Variants in CENPC observed in about 807,000 individuals in gnomAD.
The protein encoded by CENPC is CENP-C 1.
Under a neutral mutation model 112.1 loss-of-function variants are expected in CENPC, and 63 were observed. The ratio of observed to expected loss-of-function variants is 0.56; its 90% CI spans 0.46 to 0.69. The LOEUF (loss-of-function observed/expected upper bound fraction) is 0.69. Ranked by LOEUF, CENPC falls within the 30% of genes least tolerant of loss-of-function variation. CENPC has a pLI of 0.00. For synonymous variants in CENPC, 333 were observed against 367.6 expected (o/e 0.91, Z 1.08); for missense variants, 1,000 against 1,103.8 (o/e 0.91, Z 1.33).
chr4:67,544,582 G>A (rs976675605), intron 1 of CENPC, among the ~76,000 whole-genome samples: 2 of 152,104 alleles, frequency 1.3e-5, no homozygotes, highest in African/African-American at 2.4e-5. Context: ...TTCTTAGAAG[G>A]GGAGATAAAT....
intron 18 of CENPC, among the ~76,000 whole-genome samples, chr4:67,474,498 A>G (rs897168522): frequency 6.6e-6 from 1 of 152,056 alleles, no homozygotes; most frequent in Non-Finnish European, 1.5e-5. Context: ...AGGTCAGGTG[A>G]TCTGTTACGG....
Position 67,541,154 on chromosome 4 carries a change from T to C in CENPC, c.66-104A>G, listed in dbSNP as rs920413524. Reference sequence around the variant, plus strand: ...CATTATAAAATATAAATTTACTTAATATGTAAAATATCTTTACTATTTGAA... The same window carrying C: ...CATTATAAAATATAAATTTACTTAACATGTAAAATATCTTTACTATTTGAA... On this transcript the variant is annotated intron_variant, in intron 2 of 18. Transcript: ENST00000273853. 5.6e-6 allele frequency: 4 copies of C among 714,322 alleles called. No homozygotes were observed. In the Admixed American group the frequency reaches 1.2e-4, roughly 21 times the overall value. The allele number at this position is 714,322 out of a possible 1,614,324, so 44.2% of individuals were successfully genotyped here.
At chr4:67,508,720 G>T in intron 10 of CENPC, 94 bp downstream of exon 10, 1 of 1,159,390 alleles carries the variant, frequency 8.6e-7, no homozygotes, top group South Asian at 1.6e-5. Flanking sequence ...AGCTCTTCAT[G>T]CTAATTACTG....
In CENPC at chr4:67,539,927, G is replaced by A; in HGVS notation, c.144C>T (p.Ala48=). 6.7e-7 allele frequency: 1 copy of A among 1,502,298 alleles called. No individual in the cohort carries two copies. The highest frequency in any genetic ancestry group is 2.5e-5 in the East Asian group (1 of 39,496). The allele number at this position is 1,502,298 out of a possible 1,614,324, so 93.1% of individuals were successfully genotyped here. Residue 48 remains alanine, a synonymous_variant, in exon 4 of 19, where the codon GCC becomes GCT. Coordinates refer to ENST00000273853, the MANE Select transcript of CENPC (RefSeq NM_001812.4). ...TTGTAGAATTTGTACTAAAATCATT[G>A]GCAAGACCTAAAACAAAAGTATGAA... ...LQDCFEEKSL[A]NDFSTNSTKS... is the part of the protein sequence containing the mutation.
intron 12 of CENPC, among the ~76,000 whole-genome samples, chr4:67,500,218 A>T (rs1725554659): frequency 6.6e-6 from 1 of 152,170 alleles, no homozygotes; most frequent in African/African-American, 2.4e-5. Flanking sequence ...GTTGCCACAA[A>T]CCTTCAATTT....
intron 5 of CENPC, among the ~76,000 whole-genome samples, chr4:67,527,741 T>A (rs895408213): frequency 1.3e-5 from 2 of 151,914 alleles, no homozygotes; most frequent in Non-Finnish European, 2.9e-5. Flanking sequence ...CCTCAAGAGA[T>A]TCTCCAATCT....
In CENPC at chr4:67,472,479, C is replaced by T; in HGVS notation, c.*126G>A. 2 of 1,196,280 alleles carry T rather than the reference C, an allele frequency of 1.7e-6. No homozygotes were observed. Among genetic ancestry groups the T allele is most frequent in the Non-Finnish European group, 2.1e-6 (2 of 934,896 alleles). The allele number at this position is 1,196,280 out of a possible 1,614,324, so 74.1% of individuals were successfully genotyped here. A position where few individuals can be genotyped will look rare whatever the true frequency, so the allele number is the denominator to read the frequency against. On this transcript the variant is annotated 3_prime_UTR_variant, in exon 19 of 19. Coordinates refer to ENST00000273853, the MANE Select transcript of CENPC (RefSeq NM_001812.4). ...GAAATGTTTATCAAATACAAGTCTA[C>T]AGAAAACTGAATAAAATTTTTATTT...
intron 17 of CENPC, among the ~76,000 whole-genome samples, chr4:67,484,074 G>A (rs1444785372): frequency 2.0e-5 from 3 of 152,186 alleles, no homozygotes; most frequent in African/African-American, 7.2e-5. Context: ...GACTCATCCA[G>A]GACCACTTCC....
In CENPC at chr4:67,541,045, C is replaced by T. The variant is rs761519564; in HGVS notation, c.71G>A (p.Arg24His). 45 of 1,603,260 alleles carry T rather than the reference C, an allele frequency of 2.8e-5. 1 individual carries two copies. The South Asian group carries it at 4.7e-4, about 17-fold the overall frequency. ...RRRFCRPSRARDINTEQGQNV... is the reference protein window; with the variant it reads ...RRRFCRPSRAHDINTEQGQNV... ...CTGGCCTTGCTCTGTGTTAATGTCA[C>T]GTGCCCTAATAAAGGAAAAATACAG... Residue 24 changes from arginine (R) to histidine (H), a missense_variant, in exon 3 of 19, where the codon CGT (arginine) becomes CAT (histidine). Physicochemically the swap from Arg to His is conservative, Grantham distance 29 (BLOSUM62 0). Transcript: ENST00000273853.
chr4:67,490,204 A>C, intron 16 of CENPC, 83 bp from the exon 17 acceptor site: 2 of 923,176 alleles, frequency 2.2e-6, no homozygotes, highest in Non-Finnish European at 3.0e-6. Context: ...TATAATAAAG[A>C]GTCATTTCTG....
In CENPC at chr4:67,545,384, G is replaced by A. The variant is rs1451584544; in HGVS notation, c.-29C>T. The A allele has an allele frequency of 1.3e-6, 2 of 1,511,952 alleles. No homozygotes were observed. Among genetic ancestry groups the A allele is most frequent in the East Asian group, 2.7e-5 (1 of 37,362 alleles). 93.7% of individuals were successfully genotyped at this position (1,511,952 alleles called of 1,614,324 possible). Reference sequence around the variant, plus strand: ...CCGGCCCCGCTGAGCCAGCGCAACTGTCTGAGGTGGAAGCCCACACGGACC... The same window carrying A: ...CCGGCCCCGCTGAGCCAGCGCAACTATCTGAGGTGGAAGCCCACACGGACC... On this transcript the variant is annotated 5_prime_UTR_variant, in exon 1 of 19. Coordinates refer to ENST00000273853, the MANE Select transcript of CENPC (RefSeq NM_001812.4).
At chr4:67,506,762 C>T in intron 11 of CENPC, 26 bp downstream of exon 11, 1 of 1,538,250 alleles carries the variant, frequency 6.5e-7, no homozygotes. Flanking sequence ...ATATATACAA[C>T]TATTATCCTT....
intron 12 of CENPC, among the ~76,000 whole-genome samples, chr4:67,496,362 A>T (rs1162306121): frequency 6.6e-6 from 1 of 152,226 alleles, no homozygotes; most frequent in Admixed American, 6.5e-5. Context: ...CAATTCATAG[A>T]ACCATGAAAG....
chr4:67,514,659 G>A lies in CENPC; in HGVS notation c.859C>T (p.Pro287Ser). The A allele has an allele frequency of 6.2e-7, 1 of 1,608,344 alleles. No individual in the cohort carries two copies. The highest frequency in any genetic ancestry group is 8.5e-7 in the Non-Finnish European group (1 of 1,177,592). ...SPIVRHAATA[P>S]PHSCPPDDTK... is the part of the protein sequence containing the mutation. ...TCATCGGGAGGACACGAATGAGGTG[G>A]AGCAGTTGCCGCATGCCTAACAATG... The change falls in exon 8 of 19, where the codon CCA (proline) becomes TCA (serine). Residue 287 changes from proline (P) to serine (S), a missense_variant. Physicochemically the swap from Pro to Ser is moderately conservative, Grantham distance 74. Transcript: ENST00000273853.
At position 67,499,152 on chromosome 4, in the gene CENPC, T is replaced by C. The variant is rs1725520852; in HGVS notation, c.2132-3940A>G. 2.0e-5 allele frequency among the ~76,000 whole-genome samples: 3 copies of C among 152,334 alleles called. No homozygotes were observed. The South Asian group carries it at 6.2e-4, about 32-fold the overall frequency. Reference sequence around the variant, plus strand: ...CTAATAGAGCAAAGTAGATTTAGCATAATTCTTAAGGACTCTAGGATTTCT... The same window carrying C: ...CTAATAGAGCAAAGTAGATTTAGCACAATTCTTAAGGACTCTAGGATTTCT... On this transcript the variant is annotated intron_variant, in intron 12 of 18. Transcript: ENST00000273853.
At chr4:67,505,820 A>AT (rs908890489) in intron 11 of CENPC, among the ~76,000 whole-genome samples, 9 of 152,216 alleles carry the variant, frequency 5.9e-5, no homozygotes, top group African/African-American at 2.2e-4. Flanking sequence ...GTTGAGCATC[A>AT]TAAGTACTGA....
chr4:67,540,388 G>A (rs1560446157), intron 3 of CENPC, among the ~76,000 whole-genome samples: 1 of 152,152 alleles, frequency 6.6e-6, no homozygotes, highest in South Asian at 2.1e-4. Context: ...ATTTTTTCTG[G>A]CTAGATGCAG....
At chr4:67,482,507 T>C (rs1724982803) in intron 17 of CENPC, among the ~76,000 whole-genome samples, 1 of 152,218 alleles carries the variant, frequency 6.6e-6, no homozygotes, top group Non-Finnish European at 1.5e-5. Flanking sequence ...CCCAAATGCC[T>C]ATTAATCAAC....
At chr4:67,479,249 C>A (rs1445511832) in intron 17 of CENPC, among the ~76,000 whole-genome samples, 12 of 152,130 alleles carry the variant, frequency 7.9e-5, no homozygotes, top group Admixed American at 7.9e-4. Context: ...GAACATTCTA[C>A]CCAAAAACTG....
Sources: gnomAD v4.1 joint callset for allele counts (sites outside exome capture counted in the v4.1 genomes callset) on GRCh38, gnomAD v4.1.1 for gene constraint, MANE v1.5 for transcripts, NCBI Gene and HGNC (gene_info 2026-07-23, HGNC 2026-07-21) for gene names.